ZNF462: variants seen among roughly 807,000 people sequenced by gnomAD.
The protein encoded by ZNF462 is zinc finger protein 462.
Under a neutral mutation model 201.9 loss-of-function variants are expected in ZNF462, and 10 were observed. That is an observed-to-expected ratio of 0.05 (90% CI 0.03 to 0.08). ZNF462 has a LOEUF of 0.08. Among genes scored for constraint, ZNF462 ranks in the 10% least tolerant of loss-of-function variants. The probability of loss-of-function intolerance (pLI) is 1.00; values close to 1 mark genes in which losing one functional copy is unlikely to be tolerated. For missense variants in ZNF462, 2,523 were observed against 3,168.3 expected (o/e 0.80, Z 4.89); for synonymous variants, 1,227 against 1,193.3 (o/e 1.03, Z -0.58).
At chr9:107,002,976 T>C (rs1203361826) in intron 10 of ZNF462, among the ~76,000 whole-genome samples, 10 of 152,210 alleles carry the variant, frequency 6.6e-5, no homozygotes, top group Admixed American at 6.5e-4. Flanking sequence ...AAATGTGTTT[T>C]GGATATTTAC....
rs950584650 is a variant in ZNF462, at chr9:106,963,561, T to C, written c.6428-8444T>C. On this transcript the variant is annotated intron_variant, in intron 7 of 12. Transcript: ENST00000277225. The surrounding 1 kb of genome is among the most constrained non-coding windows in gnomAD (Gnocchi z 4.7). ...CCTGTATAGCACGGCTGTCCACAAATTCAATCTAATGGATATTTTCTTAAG... is the reference window on the plus strand; with the variant it reads ...CCTGTATAGCACGGCTGTCCACAAACTCAATCTAATGGATATTTTCTTAAG... Among the ~76,000 whole-genome samples the C allele has an allele frequency of 6.6e-6, 1 of 152,032 alleles. No homozygotes were observed. Among genetic ancestry groups the C allele is most frequent in the Non-Finnish European group, 1.5e-5 (1 of 67,978 alleles).
chr9:106,994,446 A>G (rs1828535720), intron 10 of ZNF462, among the ~76,000 whole-genome samples: 1 of 152,138 alleles, frequency 6.6e-6, no homozygotes, highest in Non-Finnish European at 1.5e-5. Flanking sequence ...ATTCTTCCCA[A>G]ATAAATCATA....
chr9:106,943,051 T>TGCGCGCGCGCGCGC (rs757008438), intron 7 of ZNF462, among the ~76,000 whole-genome samples: 2 of 145,318 alleles, frequency 1.4e-5, no homozygotes, highest in African/African-American at 5.1e-5. Context: ...AGTTTTGTTT[T>TGCGCGCGCGCGCGC]GCGCGCGCGT....
In ZNF462 at chr9:106,863,221, C is replaced by T. The variant is rs1022623563; in HGVS notation, c.-165C>T. 2 of 399,090 alleles carry T rather than the reference C, an allele frequency of 5.0e-6. No homozygotes were observed. Among genetic ancestry groups the T allele is most frequent in the Non-Finnish European group, 8.8e-6 (2 of 226,346 alleles). 24.7% of individuals were successfully genotyped at this position (399,090 alleles called of 1,614,324 possible). On this transcript the variant is annotated 5_prime_UTR_variant, in exon 1 of 13. Transcript: ENST00000277225. ...ATGGCGATCCTCCATTGCTGAGACC[C>T]GGCAGAAGCACATGAGACTCCCAAA...
chr9:106,946,776 G>A (rs182435735), intron 7 of ZNF462, among the ~76,000 whole-genome samples: 23 of 152,060 alleles, frequency 1.5e-4, no homozygotes, highest in African/African-American at 3.9e-4. Flanking sequence ...CAAGACCAGC[G>A]TGGGCAACAT....
At chr9:106,915,384 T>G (rs980909611) in intron 1 of ZNF462, among the ~76,000 whole-genome samples, 3 of 152,182 alleles carry the variant, frequency 2.0e-5, no homozygotes, top group Non-Finnish European at 4.4e-5. Context: ...GGTGGACAAA[T>G]GTCTAAGCTT....
At chr9:106,958,769 T>C (rs968178617) in intron 7 of ZNF462, among the ~76,000 whole-genome samples, 6 of 152,044 alleles carry the variant, frequency 3.9e-5, no homozygotes, top group Non-Finnish European at 8.8e-5. Flanking sequence ...ATACATCCAC[T>C]GTAGATGACG....
chr9:106,901,871 A>G (rs989805418), intron 1 of ZNF462, among the ~76,000 whole-genome samples: 8 of 152,136 alleles, frequency 5.3e-5, no homozygotes, highest in African/African-American at 1.9e-4. Flanking sequence ...ACAAACAGTG[A>G]CAGTTTGGCT....
Position 107,006,074 on chromosome 9 carries a change from T to G in ZNF462, c.7189+2648T>G, listed in dbSNP as rs1829522014. On this transcript the variant is annotated intron_variant, in intron 11 of 12. Coordinates refer to ENST00000277225, the MANE Select transcript of ZNF462 (RefSeq NM_021224.6). This position sits in a 1 kb window ranked among gnomAD's most constrained non-coding sequence, Gnocchi z 4.3. ...TTTTTTATGCCAGTACCATGCTGTT[T>G]TGATTACTATAGTTTTGTAGTCAAC... 6.6e-6 allele frequency among the ~76,000 whole-genome samples: 1 copy of G among 152,230 alleles called. No homozygotes were observed. The highest frequency in any genetic ancestry group is 2.4e-5 in the African/African-American group (1 of 41,464).
At chr9:106,881,318 A>G (rs1482320319) in intron 1 of ZNF462, among the ~76,000 whole-genome samples, 1 of 152,144 alleles carries the variant, frequency 6.6e-6, no homozygotes, top group African/African-American at 2.4e-5. Flanking sequence ...CTTTTCTGTC[A>G]GTATTGGTAG....
At chr9:106,949,725 T>C (rs1185299488) in intron 7 of ZNF462, among the ~76,000 whole-genome samples, 2 of 152,206 alleles carry the variant, frequency 1.3e-5, no homozygotes, top group East Asian at 3.8e-4. Context: ...GAGTATTCTT[T>C]TGTCTTCCTC....
chr9:106,901,680 A>G (rs1208211447), intron 1 of ZNF462, among the ~76,000 whole-genome samples: 1 of 151,886 alleles, frequency 6.6e-6, no homozygotes, highest in African/African-American at 2.4e-5. Context: ...TTTTGCAGCT[A>G]TTGTAAAAGG....
chr9:106,876,800 A>G lies in ZNF462; in HGVS notation c.-31+13445A>G, dbSNP rs929383340. ...GTTTGGCATCATTCTGGCAAAAATG[A>G]TATGTCGAAGAAAATTGTCCTTATT... is the stretch of plus-strand genomic sequence containing the variant. On this transcript the variant is annotated intron_variant, in intron 1 of 12. Coordinates refer to ENST00000277225, the MANE Select transcript of ZNF462 (RefSeq NM_021224.6). The surrounding 1 kb of genome is among the most constrained non-coding windows in gnomAD (Gnocchi z 4.9). 6.6e-6 allele frequency among the ~76,000 whole-genome samples: 1 copy of G among 152,160 alleles called. No individual in the cohort carries two copies. Among genetic ancestry groups the G allele is most frequent in the Non-Finnish European group, 1.5e-5 (1 of 68,032 alleles).
chr9:106,874,832 C>T (rs1159593837), intron 1 of ZNF462, among the ~76,000 whole-genome samples: 3 of 152,144 alleles, frequency 2.0e-5, no homozygotes, highest in Non-Finnish European at 4.4e-5. Flanking sequence ...ATGGTTGACT[C>T]AGTGTTTCAG....
At chr9:106,989,160 C>T (rs993114900) in intron 10 of ZNF462, among the ~76,000 whole-genome samples, 10 of 152,046 alleles carry the variant, frequency 6.6e-5, no homozygotes, top group Non-Finnish European at 1.2e-4. Flanking sequence ...TTCAGTATTA[C>T]GTTGGCTGTG....
Position 106,925,569 on chromosome 9 carries a change from C to CCACCAT in ZNF462, c.1661_1666dup (p.Pro554_Ser555dup). On this transcript the variant is annotated inframe_insertion, in exon 3 of 13. Coordinates refer to ENST00000277225, the MANE Select transcript of ZNF462 (RefSeq NM_021224.6). This position sits in a 1 kb window ranked among gnomAD's most constrained non-coding sequence, Gnocchi z 7.9. ...GCCACCACCACCGCCGCCGCCACCA[C>CCACCAT]CACCATCACAGCCACAGCCACTGCA... 1 of 1,612,920 alleles carries CCACCAT rather than the reference C, an allele frequency of 6.2e-7. No individual in the cohort carries two copies. The highest frequency in any genetic ancestry group is 8.5e-7 in the Non-Finnish European group (1 of 1,179,414).
At chr9:106,897,271 A>G (rs1442380320) in intron 1 of ZNF462, among the ~76,000 whole-genome samples, 1 of 152,184 alleles carries the variant, frequency 6.6e-6, no homozygotes, top group African/African-American at 2.4e-5. Context: ...CAGATTATGT[A>G]TTATGTTTTG....
Position 106,950,716 on chromosome 9 carries a change from C to T in ZNF462, c.6427+11609C>T, listed in dbSNP as rs1257282798. On this transcript the variant is annotated intron_variant, in intron 7 of 12. Coordinates refer to ENST00000277225, the MANE Select transcript of ZNF462 (RefSeq NM_021224.6). The surrounding 1 kb of genome is among the most constrained non-coding windows in gnomAD (Gnocchi z 4.1). ...GGACAATAAAATAAGATCATTTTTG[C>T]TAATATGGTTACAGTATACTGTTGC... 2.0e-5 allele frequency among the ~76,000 whole-genome samples: 3 copies of T among 152,138 alleles called. No homozygotes were observed. The highest frequency in any genetic ancestry group is 6.6e-5 in the Admixed American group (1 of 15,262).
chr9:106,901,368 TC>T (rs1410617375), intron 1 of ZNF462, among the ~76,000 whole-genome samples: 4 of 152,202 alleles, frequency 2.6e-5, no homozygotes, highest in Non-Finnish European at 5.9e-5. Flanking sequence ...CTAGATTTGT[TC>T]TTTTGCTTAG....
Sources: allele counts gnomAD v4.1 joint callset (sites outside exome capture counted in the v4.1 genomes callset), GRCh38; gene constraint gnomAD v4.1.1; non-coding constraint Gnocchi (gnomAD v3.1); transcripts MANE v1.5; gene names NCBI Gene and HGNC (gene_info 2026-07-23, HGNC 2026-07-21).